Variants in IGSF3 observed in about 807,000 individuals in gnomAD.
The protein encoded by IGSF3 is glu-Trp-Ile EWI motif-containing protein 3.
IGSF3 carries 23 observed loss-of-function variants against 114.4 expected under a neutral mutation model. The ratio of observed to expected loss-of-function variants is 0.20; its 90% CI spans 0.14 to 0.28. IGSF3 has a LOEUF of 0.28. IGSF3 is among the 10% of genes least tolerant of loss of function. The pLI, the probability that IGSF3 is intolerant of heterozygous loss-of-function variation, is 1.00. For missense variants in IGSF3, 1,172 were observed against 1,591.5 expected (o/e 0.74, Z 4.48); for synonymous variants, 571 against 645.2 (o/e 0.88, Z 1.74).
At chr1:116,663,179 AAAAT>A (rs1649183602) in intron 2 of IGSF3, among the ~76,000 whole-genome samples, 1 of 152,202 alleles carries the variant, frequency 6.6e-6, no homozygotes, top group Non-Finnish European at 1.5e-5. Flanking sequence ...ACACAAAATC[AAAAT>A]GTGCTGTATG....
chr1:116,629,694 G>C lies in IGSF3; in HGVS notation c.44-13237C>G, dbSNP rs535367764. Among the ~76,000 whole-genome samples the C allele has an allele frequency of 6.6e-6, 1 of 152,194 alleles. No individual in the cohort carries two copies. The highest frequency in any genetic ancestry group is 6.5e-5 in the Admixed American group (1 of 15,284). On this transcript the variant is annotated intron_variant, in intron 2 of 10. Transcript: ENST00000369486. This position sits in a 1 kb window ranked among gnomAD's most constrained non-coding sequence, Gnocchi z 4.3. ...TTTGCAGGTGTGTGAAGTGTCAAAT[G>C]GTTAATCAGTTGCCCTCTATTTGAG... is the stretch of plus-strand genomic sequence containing the variant.
rs1273457789 is a variant in IGSF3 at position 116,610,831 on chromosome 1, T to A, written c.833-2500A>T. Among the ~76,000 whole-genome samples the A allele has an allele frequency of 6.6e-6, 1 of 152,214 alleles. No individual in the cohort carries two copies. The highest frequency in any genetic ancestry group is 2.4e-5 in the African/African-American group (1 of 41,442). ...CAGACCCCTGTGTCTGAGGACCCACTGGGTGTTTCGCATACTGAGCATCTC... is the reference window on the plus strand; with the variant it reads ...CAGACCCCTGTGTCTGAGGACCCACAGGGTGTTTCGCATACTGAGCATCTC... On this transcript the variant is annotated intron_variant, in intron 4 of 10. Transcript: ENST00000369486. The surrounding 1 kb of genome is among the most constrained non-coding windows in gnomAD (Gnocchi z 4.3).
Position 116,666,321 on chromosome 1 carries a change from C to T in IGSF3, c.6G>A (p.Lys2=), listed in dbSNP as rs769200073. 1 of 1,614,224 alleles carries T rather than the reference C, an allele frequency of 6.2e-7. No individual in the cohort carries two copies. Among genetic ancestry groups the T allele is most frequent in the Non-Finnish European group, 8.5e-7 (1 of 1,180,026 alleles). The change falls in exon 2 of 11, where the codon AAG becomes AAA. Residue 2 remains lysine (K), a synonymous_variant. Transcript: ENST00000369486. M[K]CFFPVLSCLA... is the part of the protein sequence containing the mutation. ...GACAGCTCAGCACCGGGAAAAAGCACTTCATGTCGGCAGCCTCCAGGAGAC... is the reference window on the plus strand; with the variant it reads ...GACAGCTCAGCACCGGGAAAAAGCATTTCATGTCGGCAGCCTCCAGGAGAC...
At position 116,579,678 on chromosome 1, in the gene IGSF3, C is replaced by T. The variant is rs749529264; in HGVS notation, c.3048G>A (p.Glu1016=). Residue 1016 remains glutamate, a synonymous_variant, in exon 10 of 11, where the codon GAG becomes GAA. Coordinates refer to ENST00000369486, the MANE Select transcript of IGSF3 (RefSeq NM_001007237.3). This position sits in a 1 kb window ranked among gnomAD's most constrained non-coding sequence, Gnocchi z 6.4. The part of the protein sequence containing the change: ...LEEQEEEREE[E]EEEDDDDDDD... ...CGTCGTCGTCGTCGTCCTCCTCCTC[C>T]TCCTCCTCCCTTTCCTCTTCCTGTT... The T allele has an allele frequency of 1.2e-6, 2 of 1,613,514 alleles. No homozygotes were observed. Among genetic ancestry groups the T allele is most frequent in the South Asian group, 2.2e-5 (2 of 91,014 alleles).
At chr1:116,621,472 A>G (rs547272705) in intron 2 of IGSF3, among the ~76,000 whole-genome samples, 1 of 152,284 alleles carries the variant, frequency 6.6e-6, no homozygotes, top group Admixed American at 6.5e-5. Flanking sequence ...CTTTCCCCCC[A>G]ACAACATCTT....
chr1:116,655,689 T>C lies in IGSF3; in HGVS notation c.43+10595A>G, dbSNP rs568484549. Among the ~76,000 whole-genome samples, 7 of 152,312 alleles carry C rather than the reference T, an allele frequency of 4.6e-5. No homozygotes were observed. The highest frequency in any genetic ancestry group is 1.7e-4 in the African/African-American group (7 of 41,570). On this transcript the variant is annotated intron_variant, in intron 2 of 10. Coordinates refer to ENST00000369486, the MANE Select transcript of IGSF3 (RefSeq NM_001007237.3). The surrounding 1 kb of genome is among the most constrained non-coding windows in gnomAD (Gnocchi z 4.3). ...AAACACACGAAAACTTTTTTTCTGG[T>C]CCATGAACAAACAAGAACACTTAAC...
At chr1:116,640,045 AAAAAAAAAAAAAG>A (rs1176974459) in intron 2 of IGSF3, among the ~76,000 whole-genome samples, 2 of 151,002 alleles carry the variant, frequency 1.3e-5, no homozygotes, top group Admixed American at 1.3e-4. Context: ...CTCAAAAAAA[AAAAAAAAAAAAAG>A]AAAGAAAGAA....
In IGSF3 at chr1:116,624,769, G is replaced by A. The variant is rs959331715; in HGVS notation, c.44-8312C>T. ...GTGATGTAGCTTCCATTTCACTCAGGGTGTCCTGAACCACCACATAAGACA... is the reference window on the plus strand; with the variant it reads ...GTGATGTAGCTTCCATTTCACTCAGAGTGTCCTGAACCACCACATAAGACA... On this transcript the variant is annotated intron_variant, in intron 2 of 10. Transcript: ENST00000369486. The surrounding 1 kb of genome is among the most constrained non-coding windows in gnomAD (Gnocchi z 4.9). 6.6e-6 allele frequency among the ~76,000 whole-genome samples: 1 copy of A among 152,180 alleles called. No individual in the cohort carries two copies. The highest frequency in any genetic ancestry group is 2.4e-5 in the African/African-American group (1 of 41,460).
Position 116,655,575 on chromosome 1 carries a change from A to G in IGSF3, c.43+10709T>C, listed in dbSNP as rs1371376407. ...AAAAAAAGTTCTCTTCCTTTGGGTT[A>G]AAGTCTTAAATGCTGAGCCCGTAGC... is the stretch of plus-strand genomic sequence containing the variant. On this transcript the variant is annotated intron_variant, in intron 2 of 10. Coordinates refer to ENST00000369486, the MANE Select transcript of IGSF3 (RefSeq NM_001007237.3). This position sits in a 1 kb window ranked among gnomAD's most constrained non-coding sequence, Gnocchi z 4.3. 6.6e-6 allele frequency among the ~76,000 whole-genome samples: 1 copy of G among 152,222 alleles called. No individual in the cohort carries two copies. The highest frequency in any genetic ancestry group is 1.5e-5 in the Non-Finnish European group (1 of 68,042).
rs894495770 is a variant in IGSF3, at chr1:116,600,795, G to A, written c.1625-450C>T. The stretch of plus-strand genomic sequence containing the variant: ...ACACCACTTTTCCTGGTCCCTTAGC[G>A]CACTGGTGCCGAGAAGGGAAGCAGA... On this transcript the variant is annotated intron_variant, in intron 6 of 10. Transcript: ENST00000369486. The surrounding 1 kb of genome is among the most constrained non-coding windows in gnomAD (Gnocchi z 5.5). Among the ~76,000 whole-genome samples, 16 of 152,124 alleles carry A rather than the reference G, an allele frequency of 1.1e-4. No homozygotes were observed. Among genetic ancestry groups the A allele is most frequent in the South Asian group, 2.1e-4 (1 of 4,822 alleles).
rs1013909060 is a variant in IGSF3, at chr1:116,624,801, G to C, written c.44-8344C>G. On this transcript the variant is annotated intron_variant, in intron 2 of 10. Transcript: ENST00000369486. The surrounding 1 kb of genome is among the most constrained non-coding windows in gnomAD (Gnocchi z 4.9). ...TGAACCACCACATAAGACAGCCAAC[G>C]GTCCTGAGGCCATGCTGTGAGGGGG... Among the ~76,000 whole-genome samples, 1 of 152,172 alleles carries C rather than the reference G, an allele frequency of 6.6e-6. No homozygotes were observed. Among genetic ancestry groups the C allele is most frequent in the South Asian group, 2.1e-4 (1 of 4,824 alleles).
intron 2 of IGSF3, among the ~76,000 whole-genome samples, chr1:116,640,491 A>G (rs1648041028): frequency 1.3e-5 from 2 of 152,232 alleles, no homozygotes; most frequent in African/African-American, 2.4e-5. Flanking sequence ...AGCCATAAAC[A>G]ATATACAGAG....
At chr1:116,604,720 T>C (rs1242864878) in intron 5 of IGSF3, among the ~76,000 whole-genome samples, 1 of 152,190 alleles carries the variant, frequency 6.6e-6, no homozygotes, top group Non-Finnish European at 1.5e-5. Flanking sequence ...TGGGGCTCCT[T>C]TGCTCTCTTT....
Position 116,607,886 on chromosome 1 carries a change from C to T in IGSF3, c.1222+56G>A, listed in dbSNP as rs1379850052. ...ACCACGCTATTCTCTCTCCCCCTAC[C>T]TCTCCTAAATGATGCTGAGCCAAAG... On this transcript the variant is annotated intron_variant, in intron 5 of 10. Transcript: ENST00000369486. The surrounding 1 kb of genome is among the most constrained non-coding windows in gnomAD (Gnocchi z 6.1). 3 of 1,549,490 alleles carry T rather than the reference C, an allele frequency of 1.9e-6. No individual in the cohort carries two copies. The highest frequency in any genetic ancestry group is 3.4e-5 in the Admixed American group (2 of 58,606).
rs1482730056 is a variant in IGSF3, at chr1:116,582,518, T to C, written c.2848+2127A>G. 6.6e-6 allele frequency among the ~76,000 whole-genome samples: 1 copy of C among 152,236 alleles called. No homozygotes were observed. Among genetic ancestry groups the C allele is most frequent in the Non-Finnish European group, 1.5e-5 (1 of 68,046 alleles). ...TATTGTGAATGTCAACTCTCAGCAGTGGAAGGTGATTATTTTCCTAACAAT... is the reference window on the plus strand; with the variant it reads ...TATTGTGAATGTCAACTCTCAGCAGCGGAAGGTGATTATTTTCCTAACAAT... On this transcript the variant is annotated intron_variant, in intron 9 of 10. Coordinates refer to ENST00000369486, the MANE Select transcript of IGSF3 (RefSeq NM_001007237.3). The surrounding 1 kb of genome is among the most constrained non-coding windows in gnomAD (Gnocchi z 4.7).
Position 116,612,084 on chromosome 1 carries a change from T to A in IGSF3, c.832+1681A>T, listed in dbSNP as rs999640501. On this transcript the variant is annotated intron_variant, in intron 4 of 10. Transcript: ENST00000369486. This position sits in a 1 kb window ranked among gnomAD's most constrained non-coding sequence, Gnocchi z 4.1. ...GTCTAGATACATTTTCAGGGTAAAT[T>A]CAAAAAGTTCTAATTCCAAATTGGT... Among the ~76,000 whole-genome samples the A allele has an allele frequency of 6.6e-6, 1 of 152,156 alleles. No individual in the cohort carries two copies. The highest frequency in any genetic ancestry group is 2.4e-5 in the African/African-American group (1 of 41,430).
In IGSF3 at chr1:116,661,602, C is replaced by T. The variant is rs548426135; in HGVS notation, c.43+4682G>A. 6.6e-6 allele frequency among the ~76,000 whole-genome samples: 1 copy of T among 152,288 alleles called. No individual in the cohort carries two copies. The highest frequency in any genetic ancestry group is 2.1e-4 in the South Asian group (1 of 4,818). Reference sequence around the variant, plus strand: ...GAAGCCAGAGGCTCGGCTTCAGAGTCAAACGGAATAGCTTATTAGATGTAA... The same window carrying T: ...GAAGCCAGAGGCTCGGCTTCAGAGTTAAACGGAATAGCTTATTAGATGTAA... On this transcript the variant is annotated intron_variant, in intron 2 of 10. Transcript: ENST00000369486. The surrounding 1 kb of genome is among the most constrained non-coding windows in gnomAD (Gnocchi z 4.0).
At chr1:116,663,776 G>T (rs998224113) in intron 2 of IGSF3, among the ~76,000 whole-genome samples, 3 of 152,018 alleles carry the variant, frequency 2.0e-5, no homozygotes, top group Non-Finnish European at 4.4e-5. Flanking sequence ...ACTGTCCAGG[G>T]TTTTCTAACT....
At chr1:116,635,929 T>C (rs963406217) in intron 2 of IGSF3, among the ~76,000 whole-genome samples, 22 of 152,194 alleles carry the variant, frequency 1.4e-4, no homozygotes, top group African/African-American at 5.1e-4. Flanking sequence ...GTTGTGTGAG[T>C]GCCTTAAGTC....
Sources: gnomAD v4.1 joint callset for allele counts (sites outside exome capture counted in the v4.1 genomes callset) on GRCh38, gnomAD v4.1.1 for gene constraint, Gnocchi (gnomAD v3.1) non-coding constraint, MANE v1.5 for transcripts, NCBI Gene and HGNC (gene_info 2026-07-23, HGNC 2026-07-21) for gene names.